APOLD1: variants seen among roughly 807,000 people sequenced by gnomAD.
The protein encoded by APOLD1 is apolipoprotein L domain containing 1.
A neutral mutation model predicts 15.3 loss-of-function variants in APOLD1; 22 were observed. That is an observed-to-expected ratio of 1.44 (90% CI 1.03 to 2.05). The LOEUF is 2.05. APOLD1 is among the 30% of genes most tolerant of loss of function. The pLI, the probability that APOLD1 is intolerant of heterozygous loss-of-function variation, is 0.00. For missense variants in APOLD1, 394 were observed against 353.5 expected, an observed-to-expected ratio of 1.11 and a Z score of -0.92; for synonymous variants, 190 against 167.4, an observed-to-expected ratio of 1.13 and a Z score of -1.04.
intron 1 of APOLD1, among the ~76,000 whole-genome samples, chr12:12,761,656 A>T (rs1220188042): frequency 6.6e-6 from 1 of 152,116 alleles, no homozygotes; most frequent in Admixed American, 6.6e-5. Context: ...ATGTCTATCA[A>T]CAAAGGAATG....
intron 1 of APOLD1, among the ~76,000 whole-genome samples, chr12:12,733,408 T>C (rs1458734648): frequency 6.6e-6 from 1 of 152,192 alleles, no homozygotes; most frequent in African/African-American, 2.4e-5. Context: ...ATCTATGGTA[T>C]GAATGTATTT....
intron 1 of APOLD1, among the ~76,000 whole-genome samples, chr12:12,769,825 G>T (rs984806621): frequency 1.3e-5 from 2 of 152,166 alleles, no homozygotes; most frequent in Non-Finnish European, 2.9e-5. Context: ...ACAGTCCAGA[G>T]ACATAGGCTC....
intron 1 of APOLD1, among the ~76,000 whole-genome samples, chr12:12,740,858 T>C (rs1048371430): frequency 1.3e-5 from 2 of 152,178 alleles, no homozygotes; most frequent in Non-Finnish European, 2.9e-5. Context: ...GAGTTGCGGC[T>C]GGGCACGGTG....
chr12:12,766,053 A>C (rs182392757), intron 1 of APOLD1, among the ~76,000 whole-genome samples: 1 of 152,328 alleles, frequency 6.6e-6, no homozygotes, highest in African/African-American at 2.4e-5. Context: ...GCAGGAAATA[A>C]AAGTTAAGAC....
chr12:12,750,056 G>T (rs1052669151), intron 1 of APOLD1, among the ~76,000 whole-genome samples: 1 of 152,048 alleles, frequency 6.6e-6, no homozygotes, highest in Admixed American at 6.6e-5. Flanking sequence ...ATCCCTTCCG[G>T]TAGAGACAAA....
intron 1 of APOLD1, among the ~76,000 whole-genome samples, chr12:12,739,071 G>C (rs746618830): frequency 6.6e-6 from 1 of 152,214 alleles, no homozygotes; most frequent in Non-Finnish European, 1.5e-5. Context: ...GGCTCTGCAA[G>C]GGACAGATTT....
intron 1 of APOLD1, among the ~76,000 whole-genome samples, chr12:12,770,235 T>C (rs532329202): frequency 1.4e-4 from 21 of 152,222 alleles, no homozygotes; most frequent in African/African-American, 4.6e-4. Context: ...TGAAACCTCG[T>C]CTGTACTAAA....
intron 1 of APOLD1, among the ~76,000 whole-genome samples, chr12:12,757,560 G>T (rs1382835742): frequency 6.6e-6 from 1 of 152,132 alleles, no homozygotes; most frequent in Non-Finnish European, 1.5e-5. Flanking sequence ...CTGCCAATCA[G>T]ATCAAGAACT....
chr12:12,766,043 G>T (rs189185889), intron 1 of APOLD1, among the ~76,000 whole-genome samples: 218 of 152,262 alleles, frequency 1.4e-3, no homozygotes, highest in Admixed American at 2.2e-3. Flanking sequence ...TGGAATGATG[G>T]CAGGAAATAA....
chr12:12,753,928 G>C, intron 1 of APOLD1, among the ~76,000 whole-genome samples: 1 of 151,822 alleles, frequency 6.6e-6, no homozygotes. Context: ...AAAAATATCA[G>C]TGTGAGTCAG....
rs377650729 is a variant in APOLD1, at chr12:12,765,466, C to T, written c.97-21443C>T. On this transcript the variant is annotated intron_variant, in intron 1 of 1. Transcript: ENST00000326765. Reference sequence around the variant, plus strand: ...AAAGAAAGCACTGTTACACTTAAGGCGAAGACAAAGGTAAGAAAACCCCTA... The same window carrying T: ...AAAGAAAGCACTGTTACACTTAAGGTGAAGACAAAGGTAAGAAAACCCCTA... 1.5e-3 allele frequency among the ~76,000 whole-genome samples: 226 copies of T among 152,180 alleles called. 1 individual carries two copies. Among genetic ancestry groups the T allele is most frequent in the Middle Eastern group, 0.014 (4 of 294 alleles).
chr12:12,791,289 A>G lies in APOLD1; in HGVS notation c.*3637A>G, dbSNP rs1465154542. 1.3e-5 allele frequency: 2 copies of G among 152,248 alleles called. No individual in the cohort carries two copies. The highest frequency in any genetic ancestry group is 1.9e-4 in the East Asian group (1 of 5,200). 9.4% of individuals were successfully genotyped at this position (152,248 alleles called of 1,614,324 possible). On this transcript the variant is annotated 3_prime_UTR_variant, in exon 2 of 2. Coordinates refer to ENST00000356591, the MANE Select transcript of APOLD1 (RefSeq NM_030817.3). ...CCTAAATCAGACATGTCAAGCAATC[A>G]GCCAACGTGGTGTATTTCTCATTCA...
Position 12,788,566 on chromosome 12 carries a change from A to C in APOLD1, c.*914A>C, listed in dbSNP as rs561797817. ...TATTAAATGAGCCAAAGTGCCTAGC[A>C]TGATGGTGCTGGCTCATATAGTGTA... is the stretch of plus-strand genomic sequence containing the variant. On this transcript the variant is annotated 3_prime_UTR_variant, in exon 2 of 2. Coordinates refer to ENST00000356591, the MANE Select transcript of APOLD1 (RefSeq NM_030817.3). The C allele has an allele frequency of 2.0e-5, 3 of 152,218 alleles. No individual in the cohort carries two copies. The highest frequency in any genetic ancestry group is 4.4e-5 in the Non-Finnish European group (3 of 68,050). 9.4% of individuals were successfully genotyped at this position (152,218 alleles called of 1,614,324 possible).
chr12:12,738,147 G>A (rs540822843), intron 1 of APOLD1, among the ~76,000 whole-genome samples: 2 of 150,040 alleles, frequency 1.3e-5, no homozygotes, highest in East Asian at 2.0e-4. Context: ...GGAATATGCT[G>A]CCACTCCTAC....
intron 1 of APOLD1, among the ~76,000 whole-genome samples, chr12:12,726,746 G>A (rs891370375): frequency 2.0e-5 from 3 of 152,154 alleles, no homozygotes; most frequent in African/African-American, 7.2e-5. Context: ...CTTAATTAAG[G>A]TCCATGAAAG....
chr12:12,742,939 A>G (rs1250633391), intron 1 of APOLD1, among the ~76,000 whole-genome samples: 1 of 152,162 alleles, frequency 6.6e-6, no homozygotes. Flanking sequence ...AATTTTTTGT[A>G]GAGATAAGGT....
chr12:12,756,044 A>G (rs1400288350), intron 1 of APOLD1, among the ~76,000 whole-genome samples: 2 of 152,186 alleles, frequency 1.3e-5, no homozygotes, highest in Admixed American at 6.5e-5. Flanking sequence ...TGACTAATCC[A>G]AGTCAGAAGA....
chr12:12,728,529 T>G, intron 1 of APOLD1, among the ~76,000 whole-genome samples: 1 of 148,510 alleles, frequency 6.7e-6, no homozygotes. Flanking sequence ...TTTAACCAGG[T>G]GTGGTGGTGC....
chr12:12,745,791 G>A (rs1457904095), intron 1 of APOLD1, among the ~76,000 whole-genome samples: 1 of 152,050 alleles, frequency 6.6e-6, no homozygotes, highest in Admixed American at 6.6e-5. Flanking sequence ...GGAGGAAAAA[G>A]GGAAGCAAAA....
Sources: allele counts gnomAD v4.1 joint callset (sites outside exome capture counted in the v4.1 genomes callset), GRCh38; gene constraint gnomAD v4.1.1; transcripts MANE v1.5; gene names NCBI Gene and HGNC (gene_info 2026-07-23, HGNC 2026-07-21).